SEZ6L: variants seen among roughly 807,000 people sequenced by gnomAD.
SEZ6L encodes the protein seizure related 6 homolog like.
Under a neutral mutation model 106.2 loss-of-function variants are expected in SEZ6L, and 37 were observed. The ratio of observed to expected loss-of-function variants is 0.35; its 90% CI spans 0.27 to 0.46. SEZ6L has a LOEUF of 0.46. SEZ6L is among the 20% of genes least tolerant of loss of function. The pLI is 1.00. For synonymous variants in SEZ6L, 541 were observed against 570.4 expected (o/e 0.95, Z 0.73); for missense variants, 1,172 against 1,332.8 (o/e 0.88, Z 1.88).
At chr22:26,169,835 C>T (rs1470804941) in intron 1 of SEZ6L, 72 bp downstream of exon 1, 4 of 731,156 alleles carry the variant, frequency 5.5e-6, no homozygotes, top group Non-Finnish European at 5.7e-6. Context: ...GGGGTCGGGG[C>T]TGACCAGGGC....
intron 10 of SEZ6L, among the ~76,000 whole-genome samples, chr22:26,346,825 G>A (rs1312434744): frequency 3.3e-5 from 5 of 152,134 alleles, no homozygotes; most frequent in African/African-American, 1.2e-4. Context: ...ACTCAATGTT[G>A]TTATGACCTA....
At chr22:26,247,092 C>T (rs1006520389) in intron 1 of SEZ6L, among the ~76,000 whole-genome samples, 1 of 152,162 alleles carries the variant, frequency 6.6e-6, no homozygotes, top group Non-Finnish European at 1.5e-5. Context: ...AAACCCCATA[C>T]CCTCATCTCA....
At position 26,373,489 on chromosome 22, in the gene SEZ6L, T is replaced by C; in HGVS notation, c.2827+6T>C. The C allele has an allele frequency of 6.4e-7, 1 of 1,566,638 alleles. No individual in the cohort carries two copies. Among genetic ancestry groups the C allele is most frequent in the Non-Finnish European group, 8.6e-7 (1 of 1,162,592 alleles). On this transcript the variant is annotated splice_donor_region_variant and intron_variant, in intron 14 of 16. Transcript: ENST00000248933. ...TTTTGAACATGCTTTAGAAGGTGAG[T>C]TCCAGAACGAAAAAAAAAAAAGTTC...
intron 1 of SEZ6L, among the ~76,000 whole-genome samples, chr22:26,256,430 A>G (rs2079823773): frequency 6.6e-6 from 1 of 152,340 alleles, no homozygotes; most frequent in East Asian, 1.9e-4. Flanking sequence ...TGCACACAGA[A>G]TGTAGAAAAC....
chr22:26,215,774 G>A (rs965484000), intron 1 of SEZ6L, among the ~76,000 whole-genome samples: 2 of 152,186 alleles, frequency 1.3e-5, no homozygotes, highest in Non-Finnish European at 2.9e-5. Context: ...ACTTGTCAGG[G>A]ATCCTTTCAG....
chr22:26,378,211 T>A (rs1000627569), intron 16 of SEZ6L, among the ~76,000 whole-genome samples: 13 of 152,346 alleles, frequency 8.5e-5, no homozygotes, highest in Admixed American at 8.5e-4. Context: ...GATTCCACCA[T>A]TAATGAGCCT....
At chr22:26,250,722 G>A (rs2079547731) in intron 1 of SEZ6L, among the ~76,000 whole-genome samples, 1 of 152,120 alleles carries the variant, frequency 6.6e-6, no homozygotes, top group Admixed American at 6.6e-5. Context: ...TATAGGGATT[G>A]CATTGTATCT....
At chr22:26,187,463 A>G (rs925966208) in intron 1 of SEZ6L, among the ~76,000 whole-genome samples, 2 of 152,154 alleles carry the variant, frequency 1.3e-5, no homozygotes, top group Admixed American at 1.3e-4. Context: ...ATTTCTCTTC[A>G]ATTGCAATGG....
At chr22:26,331,771 T>A (rs7286380) in intron 9 of SEZ6L, among the ~76,000 whole-genome samples, 15,073 of 152,054 alleles carry the variant, frequency 0.099, 775 homozygotes, top group Middle Eastern at 0.17. Context: ...TCACCTGAGG[T>A]CAGGAGTTTG....
chr22:26,242,348 T>C (rs2079164587), intron 1 of SEZ6L, among the ~76,000 whole-genome samples: 1 of 152,222 alleles, frequency 6.6e-6, no homozygotes, highest in Admixed American at 6.5e-5. Context: ...TGCCCTGGGC[T>C]CAAGCCCCTC....
intron 1 of SEZ6L, among the ~76,000 whole-genome samples, chr22:26,284,625 A>AAAAAAAAC (rs2080876104): frequency 7.6e-6 from 1 of 132,124 alleles, no homozygotes; most frequent in African/African-American, 3.1e-5. Flanking sequence ...AAAAAAAAAA[A>AAAAAAAAC]AAAAAAACCC....
chr22:26,204,577 G>A (rs1028583488), intron 1 of SEZ6L, among the ~76,000 whole-genome samples: 1 of 152,234 alleles, frequency 6.6e-6, no homozygotes, highest in African/African-American at 2.4e-5. Flanking sequence ...TGATGCCAGA[G>A]CCTTTGTTCT....
At chr22:26,204,228 C>T (rs572467007) in intron 1 of SEZ6L, among the ~76,000 whole-genome samples, 1 of 152,312 alleles carries the variant, frequency 6.6e-6, no homozygotes, top group South Asian at 2.1e-4. Flanking sequence ...ACAATACAGA[C>T]ATGGTCCCTC....
intron 1 of SEZ6L, among the ~76,000 whole-genome samples, chr22:26,273,540 G>T (rs1033829913): frequency 9.9e-5 from 15 of 152,258 alleles, no homozygotes; most frequent in African/African-American, 3.4e-4. Context: ...TCTGGGCAGA[G>T]GCTGGCTGGA....
At chr22:26,313,032 G>A (rs916846762) in intron 8 of SEZ6L, among the ~76,000 whole-genome samples, 1 of 152,240 alleles carries the variant, frequency 6.6e-6, no homozygotes, top group African/African-American at 2.4e-5. Context: ...TATATTAAAT[G>A]TGCCGATTTA....
At chr22:26,175,285 C>T (rs1172127269) in intron 1 of SEZ6L, among the ~76,000 whole-genome samples, 1 of 152,176 alleles carries the variant, frequency 6.6e-6, no homozygotes, top group Non-Finnish European at 1.5e-5. Context: ...AACTAATTCA[C>T]AATCATTATA....
At chr22:26,206,419 A>C (rs1031464094) in intron 1 of SEZ6L, among the ~76,000 whole-genome samples, 1 of 152,260 alleles carries the variant, frequency 6.6e-6, no homozygotes, top group Non-Finnish European at 1.5e-5. Context: ...CCACTTTGTT[A>C]CATCCTTTGC....
intron 9 of SEZ6L, among the ~76,000 whole-genome samples, chr22:26,318,982 A>T (rs981838930): frequency 2.0e-5 from 3 of 152,100 alleles, no homozygotes; most frequent in African/African-American, 4.8e-5. Context: ...AGCATCTGTC[A>T]ATTTCCACGG....
chr22:26,176,456 C>T (rs1305591282), intron 1 of SEZ6L, among the ~76,000 whole-genome samples: 5 of 152,200 alleles, frequency 3.3e-5, no homozygotes, highest in Admixed American at 6.5e-5. Flanking sequence ...ACAGTTTATC[C>T]CAGCCTCTTT....
Sources: gnomAD v4.1 joint callset for allele counts (sites outside exome capture counted in the v4.1 genomes callset) on GRCh38, gnomAD v4.1.1 for gene constraint, MANE v1.5 for transcripts, NCBI Gene and HGNC (gene_info 2026-07-23, HGNC 2026-07-21) for gene names.